ZC3H3: variants seen among roughly 807,000 people sequenced by gnomAD.
ZC3H3 encodes zinc finger CCCH-type containing 3.
A neutral mutation model predicts 77.3 loss-of-function variants in ZC3H3; 36 were observed. That is an observed-to-expected ratio of 0.47 (90% CI 0.36 to 0.61). The LOEUF is 0.61. ZC3H3 is among the 20% of genes least tolerant of loss of function. The pLI is 0.00. For synonymous variants in ZC3H3, 626 were observed against 555.2 expected, an observed-to-expected ratio of 1.13 and a Z score of -1.79; for missense variants, 1,331 against 1,312.2, an observed-to-expected ratio of 1.01 and a Z score of -0.22.
chr8:143,481,349 C>T (rs1484498464), intron 4 of ZC3H3, among the ~76,000 whole-genome samples: 2 of 152,218 alleles, frequency 1.3e-5, no homozygotes, highest in Non-Finnish European at 2.9e-5. Context: ...ATCCTTCCCT[C>T]CCCGCCACCG....
At chr8:143,536,061 A>C (rs1022768628) in intron 3 of ZC3H3, among the ~76,000 whole-genome samples, 196 bp downstream of exon 3, 20 of 152,082 alleles carry the variant, frequency 1.3e-4, no homozygotes, top group Non-Finnish European at 2.5e-4. Flanking sequence ...CACATCCCAC[A>C]GCCAGACTGC....
chr8:143,492,599 G>A (rs573332002), intron 4 of ZC3H3, among the ~76,000 whole-genome samples: 1 of 151,850 alleles, frequency 6.6e-6, no homozygotes, highest in Non-Finnish European at 1.5e-5. Flanking sequence ...GCCCGGGGAG[G>A]GCCTCACCTC....
At position 143,536,366 on chromosome 8, in the gene ZC3H3, C is replaced by T. The variant is rs779985222; in HGVS notation, c.1452G>A (p.Gly484=). 5.0e-6 allele frequency: 8 copies of T among 1,599,906 alleles called. No individual in the cohort carries two copies. The East Asian group carries it at 9.0e-5, about 18-fold the overall frequency. ...TCTTCTTCAGGACAGGGCTGCTCTT[C>T]CCCCTGAGGGCCTGTCTCCGCCGGA... is the stretch of plus-strand genomic sequence containing the variant. The part of the protein sequence containing the change: ...LSLRRRQALR[G]KSSPVLKKTP... The change falls in exon 3 of 12, where the codon GGG becomes GGA. Residue 484 remains glycine, a synonymous_variant. Coordinates refer to ENST00000262577, the MANE Select transcript of ZC3H3 (RefSeq NM_015117.3).
intron 5 of ZC3H3, among the ~76,000 whole-genome samples, chr8:143,470,288 C>T (rs1820527894): frequency 2.0e-5 from 3 of 152,230 alleles, no homozygotes; most frequent in South Asian, 2.1e-4. Context: ...CCAGCGAGCC[C>T]GGCTGGGGCA....
Position 143,519,531 on chromosome 8 carries a change from G to A in ZC3H3, c.1562-11632C>T, listed in dbSNP as rs544345434. Among the ~76,000 whole-genome samples the A allele has an allele frequency of 5.3e-5, 8 of 152,240 alleles. No homozygotes were observed. In the South Asian group the frequency reaches 1.7e-3, roughly 32 times the overall value. On this transcript the variant is annotated intron_variant, in intron 3 of 11. Coordinates refer to ENST00000262577, the MANE Select transcript of ZC3H3 (RefSeq NM_015117.3). ...CACCCCACATCACAGCCGCAGAAAC[G>A]GAGGCTCAGGCTGCCCGGAGGCAAG...
At position 143,468,619 on chromosome 8, in the gene ZC3H3, G is replaced by A; in HGVS notation, c.1944C>T (p.Ala648=). ...ACTGCCCAGCCCAAAGGCATTACCT[G>A]GCCAGGGAACGGCTACAGCTGCCTG... ...DPAGSCSRSL[A]SRAVQRSLAI... is the part of the protein sequence containing the mutation. Residue 648 remains alanine (A), a splice_region_variant and synonymous_variant, in exon 6 of 12, where the codon GCC becomes GCT. Transcript: ENST00000262577. 1 of 1,561,214 alleles carries A rather than the reference G, an allele frequency of 6.4e-7. No individual in the cohort carries two copies. Among genetic ancestry groups the A allele is most frequent in the Non-Finnish European group, 8.7e-7 (1 of 1,153,338 alleles).
At chr8:143,532,272 A>G (rs1822639352) in intron 3 of ZC3H3, among the ~76,000 whole-genome samples, 1 of 152,256 alleles carries the variant, frequency 6.6e-6, no homozygotes, top group Non-Finnish European at 1.5e-5. Context: ...AGGGGCAAGC[A>G]TGCCCTCTGC....
rs535211884 is a variant in ZC3H3 at position 143,491,132 on chromosome 8, G to A, written c.1716-15547C>T. Among the ~76,000 whole-genome samples the A allele has an allele frequency of 2.1e-4, 32 of 152,260 alleles. 1 individual carries two copies. The highest frequency in any genetic ancestry group is 1.3e-3 in the Admixed American group (20 of 15,300). On this transcript the variant is annotated intron_variant, in intron 4 of 11. Coordinates refer to ENST00000262577, the MANE Select transcript of ZC3H3 (RefSeq NM_015117.3). ...AACTGGCAGACACACACATATCCAC[G>A]GCTGGGCAGATGGGGCAGGAGGGCC...
chr8:143,479,094 C>A (rs1015000866), intron 4 of ZC3H3, among the ~76,000 whole-genome samples: 2 of 152,234 alleles, frequency 1.3e-5, no homozygotes, highest in African/African-American at 4.8e-5. Flanking sequence ...AGCCCAAGAG[C>A]CTCATTCCGA....
chr8:143,479,069 G>T (rs1255682349), intron 4 of ZC3H3, among the ~76,000 whole-genome samples: 2 of 152,214 alleles, frequency 1.3e-5, no homozygotes, highest in Non-Finnish European at 2.9e-5. Flanking sequence ...GCGCTTCCTG[G>T]TGCTCAGCAC....
chr8:143,508,242 T>A (rs1253548398), intron 3 of ZC3H3, among the ~76,000 whole-genome samples: 1 of 152,118 alleles, frequency 6.6e-6, no homozygotes, highest in East Asian at 1.9e-4. Flanking sequence ...CTAGACAGTA[T>A]CCGCAACAGG....
intron 4 of ZC3H3, among the ~76,000 whole-genome samples, chr8:143,483,788 T>C (rs1223386394): frequency 6.6e-6 from 1 of 152,164 alleles, no homozygotes; most frequent in African/African-American, 2.4e-5. Context: ...TCCAAACCCC[T>C]ATACCCAGAC....
At chr8:143,511,191 T>A (rs1004030149) in intron 3 of ZC3H3, among the ~76,000 whole-genome samples, 2 of 152,140 alleles carry the variant, frequency 1.3e-5, no homozygotes, top group Non-Finnish European at 2.9e-5. Flanking sequence ...AAGCACCACA[T>A]GCCCAATGAC....
At chr8:143,537,805 T>C (rs1442890967) in intron 2 of ZC3H3, among the ~76,000 whole-genome samples, 198 bp downstream of exon 2, 1 of 151,712 alleles carries the variant, frequency 6.6e-6, no homozygotes, top group Non-Finnish European at 1.5e-5. Flanking sequence ...GGGAAACCTG[T>C]CCCCTAAGTT....
intron 3 of ZC3H3, 133 bp downstream of exon 3, chr8:143,536,124 T>C: frequency 8.9e-7 from 1 of 1,122,146 alleles, no homozygotes; most frequent in Non-Finnish European, 1.2e-6. Flanking sequence ...CACCACCGTC[T>C]GCCAGGCAGT....
intron 3 of ZC3H3, among the ~76,000 whole-genome samples, chr8:143,522,463 T>C (rs1198705457): frequency 6.6e-6 from 1 of 151,952 alleles, no homozygotes; most frequent in Non-Finnish European, 1.5e-5. Context: ...ATTAGCCGGA[T>C]GTGATGGCGT....
At chr8:143,516,554 CACACACACACACAT>C (rs779166911) in intron 3 of ZC3H3, among the ~76,000 whole-genome samples, 3,859 of 119,826 alleles carry the variant, frequency 0.032, 85 homozygotes, top group East Asian at 0.098. Flanking sequence ...CACACACACA[CACACACACACACAT>C]ACACACACAC....
rs1822583270 is a variant in ZC3H3, at chr8:143,530,955, CCTT to C, written c.1561+5299_1561+5301del. ...ACCCTTCTGGGGCTGTCTTCTATCT[CCTT>C]TTTTTTTTTTTTTTTTTTTGAGACA... On this transcript the variant is annotated intron_variant, in intron 3 of 11. Coordinates refer to ENST00000262577, the MANE Select transcript of ZC3H3 (RefSeq NM_015117.3). The surrounding 1 kb of genome is among the most constrained non-coding windows in gnomAD (Gnocchi z 4.3). 2.0e-5 allele frequency among the ~76,000 whole-genome samples: 3 copies of C among 149,256 alleles called. No individual in the cohort carries two copies. Among genetic ancestry groups the C allele is most frequent in the Non-Finnish European group, 3.0e-5 (2 of 67,450 alleles).
chr8:143,515,828 T>C (rs1425441944), intron 3 of ZC3H3, among the ~76,000 whole-genome samples: 1 of 152,240 alleles, frequency 6.6e-6, no homozygotes, highest in African/African-American at 2.4e-5. Flanking sequence ...GGATGGAGAC[T>C]GGACACACCG....
Sources: allele counts gnomAD v4.1 joint callset (sites outside exome capture counted in the v4.1 genomes callset), GRCh38; gene constraint gnomAD v4.1.1; non-coding constraint Gnocchi (gnomAD v3.1); transcripts MANE v1.5; gene names NCBI Gene and HGNC (gene_info 2026-07-23, HGNC 2026-07-21).